The following ZBTB7C variants were observed in gnomAD, a reference collection of about 807,000 sequenced individuals.
The protein encoded by ZBTB7C is zinc finger and BTB domain-containing protein 7C.
In ZBTB7C, 8 loss-of-function variants were observed where a neutral mutation model predicts 25.7. The observed-to-expected ratio is 0.31, with a 90% CI of 0.18 to 0.56. The LOEUF is 0.56. Ranked by LOEUF, ZBTB7C falls within the 20% of genes least tolerant of loss-of-function variation. The pLI, the probability that ZBTB7C is intolerant of heterozygous loss-of-function variation, is 0.91. For synonymous variants in ZBTB7C, 394 were observed against 369.0 expected, an observed-to-expected ratio of 1.07 and a Z score of -0.78; for missense variants, 824 against 855.2, an observed-to-expected ratio of 0.96 and a Z score of 0.46.
At chr18:48,079,305 C>T (rs2037892893) in intron 3 of ZBTB7C, among the ~76,000 whole-genome samples, 1 of 152,182 alleles carries the variant, frequency 6.6e-6, no homozygotes, top group Admixed American at 6.5e-5. Flanking sequence ...CCATGGTGCC[C>T]AGCACAGTGT....
intron 1 of ZBTB7C, among the ~76,000 whole-genome samples, chr18:48,354,520 G>T (rs2046934232): frequency 6.6e-6 from 1 of 152,146 alleles, no homozygotes; most frequent in Non-Finnish European, 1.5e-5. Context: ...ACACACCCCA[G>T]ATGTACTTTT....
At chr18:48,338,434 G>A (rs1447831719) in intron 1 of ZBTB7C, 36 bp from the exon 2 acceptor site, 1 of 152,200 alleles carries the variant, frequency 6.6e-6, no homozygotes, top group Non-Finnish European at 1.5e-5. Context: ...CACCCACCAG[G>A]GCCAGAAACA....
intron 2 of ZBTB7C, among the ~76,000 whole-genome samples, chr18:48,272,213 T>C (rs1246452567): frequency 6.6e-6 from 1 of 152,218 alleles, no homozygotes; most frequent in Non-Finnish European, 1.5e-5. Flanking sequence ...GATCACCCTC[T>C]CTAATGTGGT....
chr18:48,197,931 G>GT (rs1392918050), intron 2 of ZBTB7C, among the ~76,000 whole-genome samples: 3 of 152,144 alleles, frequency 2.0e-5, no homozygotes, highest in Admixed American at 2.0e-4. Context: ...TGAAAATGAG[G>GT]TTTTATCTCC....
chr18:48,301,100 T>C (rs1171764763), intron 2 of ZBTB7C, among the ~76,000 whole-genome samples: 1 of 152,108 alleles, frequency 6.6e-6, no homozygotes, highest in Non-Finnish European at 1.5e-5. Context: ...GATGAGAAGA[T>C]GGGAGAGGGA....
In ZBTB7C at chr18:48,040,667, A is replaced by G. The variant is rs759076837; in HGVS notation, c.441T>C (p.Asp147=). Residue 147 remains aspartate, a synonymous_variant, in exon 4 of 5, where the codon GAT becomes GAC. Transcript: ENST00000590800. ...CCTCTTCGTCCTCCTCATCATCATC[A>G]TCTTCGTCGTCGTCATCGTCCTCCT... is the stretch of plus-strand genomic sequence containing the variant. ...DDKEDDDDDE[D]DDDEEDEEEE... The G allele has an allele frequency of 1.2e-6, 2 of 1,612,490 alleles. No individual in the cohort carries two copies. The highest frequency in any genetic ancestry group is 2.7e-5 in the African/African-American group (2 of 74,506).
chr18:48,186,373 T>C (rs1453169438), intron 2 of ZBTB7C, among the ~76,000 whole-genome samples: 1 of 152,226 alleles, frequency 6.6e-6, no homozygotes, highest in Non-Finnish European at 1.5e-5. Context: ...CCTTCCTAAA[T>C]TGGACCTCAC....
intron 1 of ZBTB7C, among the ~76,000 whole-genome samples, chr18:48,372,244 T>C (rs1348041670): frequency 6.6e-6 from 1 of 152,164 alleles, no homozygotes. Flanking sequence ...CTTGAAGCCC[T>C]CTAATTCATT....
At chr18:48,195,749 C>T (rs901473340) in intron 2 of ZBTB7C, among the ~76,000 whole-genome samples, 1 of 152,092 alleles carries the variant, frequency 6.6e-6, no homozygotes, top group African/African-American at 2.4e-5. Context: ...CAACAACCTT[C>T]CGCAGTTGTT....
At chr18:48,085,832 C>G (rs530185531) in intron 3 of ZBTB7C, among the ~76,000 whole-genome samples, 12 of 152,236 alleles carry the variant, frequency 7.9e-5, no homozygotes, top group Middle Eastern at 3.4e-3. Flanking sequence ...CCCTGCCTGG[C>G]CAGGGGCCCT....
intron 1 of ZBTB7C, among the ~76,000 whole-genome samples, chr18:48,360,089 G>A (rs1224709381): frequency 6.6e-6 from 1 of 152,208 alleles, no homozygotes; most frequent in Non-Finnish European, 1.5e-5. Flanking sequence ...GGCCAGTCTG[G>A]AAATGTTGAC....
At chr18:48,076,675 T>C (rs1057158239) in intron 3 of ZBTB7C, among the ~76,000 whole-genome samples, 1 of 152,166 alleles carries the variant, frequency 6.6e-6, no homozygotes, top group African/African-American at 2.4e-5. Flanking sequence ...GGCTCTGGGC[T>C]TGGCAGGAGC....
At chr18:48,268,986 G>C (rs1259148442) in intron 2 of ZBTB7C, among the ~76,000 whole-genome samples, 4 of 144,542 alleles carry the variant, frequency 2.8e-5, no homozygotes, top group Non-Finnish European at 6.0e-5. Flanking sequence ...TTTGAGACAG[G>C]GTCTTGCTCT....
intron 3 of ZBTB7C, among the ~76,000 whole-genome samples, chr18:48,085,601 G>A (rs2038162986): frequency 6.6e-6 from 1 of 152,202 alleles, no homozygotes; most frequent in African/African-American, 2.4e-5. Flanking sequence ...ACATCCTAGG[G>A]TTGTGAGGAT....
chr18:48,220,952 T>C (rs529519623), intron 2 of ZBTB7C, among the ~76,000 whole-genome samples: 46 of 151,934 alleles, frequency 3.0e-4, no homozygotes, highest in African/African-American at 1.0e-3. Flanking sequence ...TCTATACTGT[T>C]CTTAGTCTCC....
At chr18:48,127,833 A>T (rs2144755100) in intron 3 of ZBTB7C, among the ~76,000 whole-genome samples, 1 of 152,294 alleles carries the variant, frequency 6.6e-6, no homozygotes, top group South Asian at 2.1e-4. Flanking sequence ...ATGGGAGGGA[A>T]CATGGAGAGA....
At chr18:48,158,344 T>C (rs780982574) in intron 3 of ZBTB7C, among the ~76,000 whole-genome samples, 24 of 152,236 alleles carry the variant, frequency 1.6e-4, no homozygotes, top group Middle Eastern at 6.8e-3. Flanking sequence ...AGGATGACCA[T>C]GGGTCGGAAT....
chr18:48,324,658 G>C (rs1490076968), intron 2 of ZBTB7C, among the ~76,000 whole-genome samples: 1 of 152,198 alleles, frequency 6.6e-6, no homozygotes, highest in Non-Finnish European at 1.5e-5. Context: ...TGTAGGCCCT[G>C]AGAAGAATAT....
At chr18:48,064,762 G>T (rs1354296904) in intron 3 of ZBTB7C, among the ~76,000 whole-genome samples, 2 of 152,040 alleles carry the variant, frequency 1.3e-5, no homozygotes, top group Non-Finnish European at 2.9e-5. Context: ...AAAGAAAAAT[G>T]GCAATAGGAA....
Sources: gnomAD v4.1 joint callset for allele counts (sites outside exome capture counted in the v4.1 genomes callset) on GRCh38, gnomAD v4.1.1 for gene constraint, MANE v1.5 for transcripts, NCBI Gene and HGNC (gene_info 2026-07-23, HGNC 2026-07-21) for gene names.